Variants in NDUFS4 observed in about 807,000 individuals in gnomAD.
The protein encoded by NDUFS4 is NADH dehydrogenase [ubiquinone] iron-sulfur protein 4, mitochondrial.
NDUFS4 carries 28 observed loss-of-function variants against 24.3 expected under a neutral mutation model. The ratio of observed to expected loss-of-function variants is 1.15; its 90% CI spans 0.85 to 1.58. The LOEUF is 1.58. Ranked by LOEUF, NDUFS4 falls within the 40% of genes most tolerant of loss-of-function variation. The probability of loss-of-function intolerance (pLI) is 0.00; values close to 1 mark genes in which losing one functional copy is unlikely to be tolerated. For synonymous variants in NDUFS4, 93 were observed against 69.7 expected, an observed-to-expected ratio of 1.34 and a Z score of -1.67; for missense variants, 223 against 207.9, an observed-to-expected ratio of 1.07 and a Z score of -0.45.
At chr5:53,670,799 A>T (rs1752644878) in intron 4 of NDUFS4, among the ~76,000 whole-genome samples, 1 of 151,506 alleles carries the variant, frequency 6.6e-6, no homozygotes, top group South Asian at 2.1e-4. Context: ...AGAAACTCTT[A>T]TGTTACTTAT....
chr5:53,568,816 G>A (rs185463800), intron 1 of NDUFS4, among the ~76,000 whole-genome samples: 38 of 152,258 alleles, frequency 2.5e-4, no homozygotes, highest in African/African-American at 7.2e-4. Flanking sequence ...TGTTTGAATC[G>A]TTTCAAATGT....
intron 3 of NDUFS4, among the ~76,000 whole-genome samples, chr5:53,656,523 A>G (rs1272238272): frequency 2.6e-5 from 4 of 152,214 alleles, no homozygotes; most frequent in Non-Finnish European, 4.4e-5. Context: ...AGAGAGTAGG[A>G]GAGCATTTCA....
At chr5:53,607,461 T>G (rs1206270606) in intron 2 of NDUFS4, among the ~76,000 whole-genome samples, 1 of 152,016 alleles carries the variant, frequency 6.6e-6, no homozygotes, top group Non-Finnish European at 1.5e-5. Context: ...AATCTAAAAT[T>G]AAAAATTGAA....
At chr5:53,648,599 A>G (rs1751928462) in intron 3 of NDUFS4, among the ~76,000 whole-genome samples, 1 of 152,192 alleles carries the variant, frequency 6.6e-6, no homozygotes, top group Non-Finnish European at 1.5e-5. Flanking sequence ...ATGGTCATAT[A>G]CAGACAAAAT....
intron 2 of NDUFS4, among the ~76,000 whole-genome samples, chr5:53,636,675 T>C (rs961337348): frequency 1.3e-5 from 2 of 152,188 alleles, no homozygotes; most frequent in African/African-American, 4.8e-5. Context: ...GACGTGGAGA[T>C]GTAATCCCCG....
At chr5:53,629,570 G>C (rs189541321) in intron 2 of NDUFS4, among the ~76,000 whole-genome samples, 4 of 152,280 alleles carry the variant, frequency 2.6e-5, no homozygotes, top group Admixed American at 2.0e-4. Context: ...CTCCTGTATT[G>C]TGTGCATATA....
chr5:53,588,661 C>G (rs1749846534), intron 1 of NDUFS4, among the ~76,000 whole-genome samples: 1 of 152,066 alleles, frequency 6.6e-6, no homozygotes, highest in South Asian at 2.1e-4. Flanking sequence ...GATCATCAGC[C>G]TTTTAAAAAA....
At position 53,663,350 on chromosome 5, in the gene NDUFS4, C is replaced by T. The variant is rs1039270818; in HGVS notation, c.424+4726C>T. Among the ~76,000 whole-genome samples the T allele has an allele frequency of 2.6e-5, 4 of 152,042 alleles. 1 individual carries two copies. The highest frequency in any genetic ancestry group is 4.8e-5 in the African/African-American group (2 of 41,390). On this transcript the variant is annotated intron_variant, in intron 4 of 4. Transcript: ENST00000296684. ...GTTCTATAGATGTCTATTAGGTTTG[C>T]TTGGTGCAGAGCTGAGTTCAATTCC... is the stretch of plus-strand genomic sequence containing the variant.
chr5:53,663,842 A>G (rs1001153291), intron 4 of NDUFS4, among the ~76,000 whole-genome samples: 2 of 152,124 alleles, frequency 1.3e-5, no homozygotes, highest in Admixed American at 6.5e-5. Flanking sequence ...CTTTAAGGTT[A>G]ATATTGTTAT....
At chr5:53,575,635 G>A (rs1329953101) in intron 1 of NDUFS4, among the ~76,000 whole-genome samples, 5 of 138,340 alleles carry the variant, frequency 3.6e-5, no homozygotes, top group Admixed American at 7.9e-5. Context: ...TCTGCCTCCC[G>A]GGTTAAATCG....
At chr5:53,607,663 C>T (rs1750566092) in intron 2 of NDUFS4, among the ~76,000 whole-genome samples, 1 of 151,992 alleles carries the variant, frequency 6.6e-6, no homozygotes, top group African/African-American at 2.4e-5. Context: ...CTTTAAAGTA[C>T]AAAATAGAGC....
At chr5:53,583,688 A>AT (rs1047295044) in intron 1 of NDUFS4, among the ~76,000 whole-genome samples, 2 of 152,224 alleles carry the variant, frequency 1.3e-5, no homozygotes, top group African/African-American at 2.4e-5. Flanking sequence ...AGTTTAAGGG[A>AT]TTTTTAAATA....
intron 3 of NDUFS4, among the ~76,000 whole-genome samples, chr5:53,653,778 T>C (rs1180796294): frequency 6.6e-6 from 1 of 152,194 alleles, no homozygotes; most frequent in Non-Finnish European, 1.5e-5. Context: ...ATGTCATGAT[T>C]TTCTTAGTAT....
At chr5:53,603,173 G>C (rs996891996) in intron 1 of NDUFS4, among the ~76,000 whole-genome samples, 6 of 152,118 alleles carry the variant, frequency 3.9e-5, no homozygotes, top group Non-Finnish European at 7.4e-5. Context: ...ATAGACAGCA[G>C]TACAGTACTT....
chr5:53,579,682 C>G (rs1285169139), intron 1 of NDUFS4, among the ~76,000 whole-genome samples: 1 of 152,130 alleles, frequency 6.6e-6, no homozygotes, highest in East Asian at 1.9e-4. Context: ...CGCCACTGCA[C>G]CCCAGCCTGG....
intron 3 of NDUFS4, among the ~76,000 whole-genome samples, chr5:53,657,096 CAG>C (rs1579925154): frequency 6.6e-6 from 1 of 152,114 alleles, no homozygotes; most frequent in East Asian, 1.9e-4. Flanking sequence ...TTGCAGGAAA[CAG>C]AGTTCTGATC....
intron 1 of NDUFS4, among the ~76,000 whole-genome samples, chr5:53,601,152 C>G (rs886419855): frequency 6.6e-6 from 1 of 151,860 alleles, no homozygotes; most frequent in African/African-American, 2.4e-5. Flanking sequence ...TACAGGGGCC[C>G]GCTGCTACGC....
intron 1 of NDUFS4, among the ~76,000 whole-genome samples, chr5:53,586,246 A>G (rs1225120298): frequency 3.4e-5 from 5 of 148,744 alleles, no homozygotes; most frequent in African/African-American, 5.0e-5. Flanking sequence ...GGAGAATCGT[A>G]TGAACCTGGG....
intron 2 of NDUFS4, among the ~76,000 whole-genome samples, chr5:53,643,150 CTT>C (rs1751751150): frequency 6.6e-6 from 1 of 152,014 alleles, no homozygotes; most frequent in Non-Finnish European, 1.5e-5. Flanking sequence ...ACTGGTGAGT[CTT>C]GAGGTTCTTC....
Sources: allele counts gnomAD v4.1 joint callset (sites outside exome capture counted in the v4.1 genomes callset), GRCh38; gene constraint gnomAD v4.1.1; transcripts MANE v1.5; gene names NCBI Gene and HGNC (gene_info 2026-07-23, HGNC 2026-07-21).